The following ADCY8 variants were observed in gnomAD, a reference collection of about 807,000 sequenced individuals.
ADCY8 encodes adenylate cyclase type 8.
A neutral mutation model predicts 119.7 loss-of-function variants in ADCY8; 51 were observed. That is an observed-to-expected ratio of 0.43 (90% CI 0.34 to 0.54). The LOEUF (loss-of-function observed/expected upper bound fraction) is 0.54, where lower values mean the gene tolerates loss of function less well. Ranked by LOEUF, ADCY8 falls within the 20% of genes least tolerant of loss-of-function variation. The pLI, the probability that ADCY8 is intolerant of heterozygous loss-of-function variation, is 0.03. For synonymous variants in ADCY8, 665 were observed against 651.0 expected (o/e 1.02, Z -0.33); for missense variants, 1,383 against 1,598.8 (o/e 0.87, Z 2.30).
At chr8:131,012,366 A>C (rs1247194721) in intron 1 of ADCY8, among the ~76,000 whole-genome samples, 1 of 152,166 alleles carries the variant, frequency 6.6e-6, no homozygotes, top group African/African-American at 2.4e-5. Context: ...AATCTAGAAT[A>C]ATGTACATCG....
At chr8:130,798,075 T>A (rs1815642506) in intron 15 of ADCY8, among the ~76,000 whole-genome samples, 1 of 152,194 alleles carries the variant, frequency 6.6e-6, no homozygotes, top group African/African-American at 2.4e-5. Flanking sequence ...TAAGGGTTTG[T>A]ATGAGAGATA....
intron 5 of ADCY8, among the ~76,000 whole-genome samples, chr8:130,922,073 C>T (rs935285262): frequency 1.3e-5 from 2 of 152,112 alleles, no homozygotes; most frequent in Admixed American, 1.3e-4. Flanking sequence ...GCTCACTCAA[C>T]CCCTCATCAT....
At chr8:130,907,036 C>G (rs1336616975) in intron 6 of ADCY8, among the ~76,000 whole-genome samples, 5 of 152,038 alleles carry the variant, frequency 3.3e-5, no homozygotes, top group African/African-American at 1.2e-4. Context: ...CACCCTGGAA[C>G]TGTATTATAT....
At chr8:130,896,047 A>T (rs10956560) in intron 7 of ADCY8, among the ~76,000 whole-genome samples, 1 of 151,870 alleles carries the variant, frequency 6.6e-6, no homozygotes, top group Non-Finnish European at 1.5e-5. Context: ...TTTTTCTCCC[A>T]TTCTAAGGTC....
chr8:130,922,599 A>T (rs1820346457), intron 5 of ADCY8, among the ~76,000 whole-genome samples: 1 of 151,914 alleles, frequency 6.6e-6, no homozygotes, highest in Non-Finnish European at 1.5e-5. Flanking sequence ...AAAGTCTCCC[A>T]TGTCTACCTC....
intron 3 of ADCY8, among the ~76,000 whole-genome samples, chr8:130,947,985 T>A (rs1821153880): frequency 6.6e-6 from 1 of 152,104 alleles, no homozygotes; most frequent in African/African-American, 2.4e-5. Flanking sequence ...CCTAATGGAA[T>A]CTGAACAGAA....
chr8:130,875,054 C>G (rs751977986), intron 8 of ADCY8, among the ~76,000 whole-genome samples: 3 of 152,148 alleles, frequency 2.0e-5, no homozygotes, highest in Non-Finnish European at 4.4e-5. Context: ...GCACTTCTGA[C>G]TCTGAAAATG....
intron 2 of ADCY8, among the ~76,000 whole-genome samples, chr8:130,975,151 G>A (rs1352868216): frequency 1.3e-5 from 2 of 152,152 alleles, no homozygotes; most frequent in Non-Finnish European, 2.9e-5. Context: ...AGAGGAGAAG[G>A]AAGGCATTTT....
chr8:130,870,095 C>T (rs1398320580), intron 8 of ADCY8, among the ~76,000 whole-genome samples: 1 of 150,070 alleles, frequency 6.7e-6, no homozygotes, highest in South Asian at 2.1e-4. Flanking sequence ...CTCACTGCAA[C>T]CTCTGTCTCC....
At chr8:131,015,717 T>C (rs1016005562) in intron 1 of ADCY8, among the ~76,000 whole-genome samples, 1 of 152,204 alleles carries the variant, frequency 6.6e-6, no homozygotes. Context: ...TCTTATTTTT[T>C]ATAATGACAA....
chr8:131,003,206 T>TCTCACACACACACA (rs372048150), intron 1 of ADCY8, among the ~76,000 whole-genome samples: 5,713 of 137,460 alleles, frequency 0.042, 311 homozygotes, highest in African/African-American at 0.13. Flanking sequence ...TGAAACACCA[T>TCTCACACACACACA]CACACACACA....
At chr8:130,910,595 C>T (rs1331686231) in intron 5 of ADCY8, among the ~76,000 whole-genome samples, 1 of 152,168 alleles carries the variant, frequency 6.6e-6, no homozygotes, top group Non-Finnish European at 1.5e-5. Context: ...TGTTTACATC[C>T]CAGGGCTGAA....
rs1462614537 is a variant in ADCY8, at chr8:130,780,498, G to C, written c.3648C>G (p.Asn1216Lys). 1 of 1,614,126 alleles carries C rather than the reference G, an allele frequency of 6.2e-7. No individual in the cohort carries two copies. The highest frequency in any genetic ancestry group is 1.7e-5 in the Admixed American group (1 of 60,006). Residue 1216 changes from asparagine to lysine, a missense_variant, in exon 18 of 18, where the codon AAC (asparagine) becomes AAG (lysine). This residue lies in a region of ADCY8 where 928 missense variants were observed against 1,163.5 expected (regional missense o/e 0.80). Transcript: ENST00000286355. ...QRQKQLLNENNNTGIIKGHYN... is the reference protein window; with the variant it reads ...QRQKQLLNENKNTGIIKGHYN... ...AATGACCCTTGATGATTCCTGTGTTGTTGTTCTCATTGAGTAGCTGCTTCT... is the reference window on the plus strand; with the variant it reads ...AATGACCCTTGATGATTCCTGTGTTCTTGTTCTCATTGAGTAGCTGCTTCT...
intron 5 of ADCY8, among the ~76,000 whole-genome samples, chr8:130,916,058 C>T (rs1420708607): frequency 6.6e-6 from 1 of 152,158 alleles, no homozygotes; most frequent in East Asian, 1.9e-4. Context: ...GGTATCACTA[C>T]CAGAGCCAGT....
At chr8:130,794,224 T>C (rs10088880) in intron 15 of ADCY8, among the ~76,000 whole-genome samples, 1,641 of 152,184 alleles carry the variant, frequency 0.011, 31 homozygotes, top group African/African-American at 0.037. Context: ...TGTGAAAGAA[T>C]GCATTCTGGA....
chr8:130,992,429 A>ATATATATG (rs1822623381), intron 1 of ADCY8, among the ~76,000 whole-genome samples: 1 of 37,308 alleles, frequency 2.7e-5, no homozygotes, highest in African/African-American at 8.4e-5. Context: ...ATATATATAT[A>ATATATATG]TTTGAGATAG....
At chr8:130,944,650 A>G (rs1267301843) in intron 3 of ADCY8, among the ~76,000 whole-genome samples, 1 of 152,232 alleles carries the variant, frequency 6.6e-6, no homozygotes, top group Non-Finnish European at 1.5e-5. Context: ...TATCTCTCCC[A>G]AAAATGTACG....
At chr8:131,019,676 G>C (rs1823590512) in intron 1 of ADCY8, among the ~76,000 whole-genome samples, 1 of 152,098 alleles carries the variant, frequency 6.6e-6, no homozygotes, top group Non-Finnish European at 1.5e-5. Flanking sequence ...TTTACTCTTA[G>C]ATAAATACTT....
intron 7 of ADCY8, among the ~76,000 whole-genome samples, chr8:130,888,084 G>C (rs1819054902): frequency 6.6e-6 from 1 of 151,946 alleles, no homozygotes. Context: ...AGTATTAAAT[G>C]GACCTCCAAA....
Sources: gnomAD v4.1 joint callset for allele counts (sites outside exome capture counted in the v4.1 genomes callset) on GRCh38, gnomAD v4.1.1 for gene constraint, gnomAD v4.1.1 regional missense constraint, MANE v1.5 for transcripts, NCBI Gene and HGNC (gene_info 2026-07-23, HGNC 2026-07-21) for gene names.